CUBN: variants seen among roughly 807,000 people sequenced by gnomAD.
CUBN encodes the protein cubilin, also known as 460 kDa receptor.
Under a neutral mutation model 405.3 loss-of-function variants are expected in CUBN, and 282 were observed. The ratio of observed to expected loss-of-function variants is 0.70; its 90% CI spans 0.63 to 0.77. The LOEUF (loss-of-function observed/expected upper bound fraction) is 0.77, where lower values mean the gene tolerates loss of function less well. CUBN is among the 30% of genes least tolerant of loss of function. The pLI, the probability that CUBN is intolerant of heterozygous loss-of-function variation, is 0.00. For missense variants in CUBN, 4,514 were observed against 4,475.2 expected, an observed-to-expected ratio of 1.01 and a Z score of -0.25; for synonymous variants, 1,684 against 1,617.0, an observed-to-expected ratio of 1.04 and a Z score of -0.99.
At chr10:17,044,970 G>A (rs879288271) in intron 25 of CUBN, 37 bp downstream of exon 25, 8 of 1,589,902 alleles carry the variant, frequency 5.0e-6, no homozygotes, top group Non-Finnish European at 6.9e-6. Context: ...GGGTGAGATG[G>A]GAGCAGGGAA....
chr10:16,912,308 G>A (rs1372958381), intron 48 of CUBN, among the ~76,000 whole-genome samples: 1 of 152,206 alleles, frequency 6.6e-6, no homozygotes, highest in East Asian at 1.9e-4. Flanking sequence ...TTATAAAAGG[G>A]ATAATGATAG....
chr10:16,983,715 A>AGAACACACAGTAAT (rs1221395166), intron 30 of CUBN, among the ~76,000 whole-genome samples: 1 of 152,248 alleles, frequency 6.6e-6, no homozygotes, highest in Non-Finnish European at 1.5e-5. Flanking sequence ...AAGTCACCAT[A>AGAACACACAGTAAT]GAACACACAG....
At chr10:16,919,359 AG>A (rs1211150767) in intron 44 of CUBN, among the ~76,000 whole-genome samples, 1 of 152,232 alleles carries the variant, frequency 6.6e-6, no homozygotes, top group East Asian at 1.9e-4. Context: ...CTTATATCCA[AG>A]TTTTGCACCA....
rs137957966 is a variant in CUBN at position 17,017,510 on chromosome 10, G to A, written c.4168+2323C>T. ...AAAATGAAGCAGAGGGCCATATCCT[G>A]AGGAAGGGAAGGGATCTCCAGAGTT... is the stretch of plus-strand genomic sequence containing the variant. On this transcript the variant is annotated intron_variant, in intron 28 of 66. Coordinates refer to ENST00000377833, the MANE Select transcript of CUBN (RefSeq NM_001081.4). Among the ~76,000 whole-genome samples, 697 of 152,304 alleles carry A rather than the reference G, an allele frequency of 4.6e-3. 2 individuals are homozygous for A. Among genetic ancestry groups the A allele is most frequent in the East Asian group, 0.033 (169 of 5,178 alleles).
chr10:16,925,590 G>A lies in CUBN; in HGVS notation c.6456C>T (p.Tyr2152=), dbSNP rs1229696832. 5 of 1,613,844 alleles carry A rather than the reference G, an allele frequency of 3.1e-6. No individual in the cohort carries two copies. The African/African-American group carries it at 4.0e-5, about 13-fold the overall frequency. ...GGGTAGCAGCAAGACCTACCACCAAGTAATCCCCCTGGTTGCAAGAAGAAT... is the reference window on the plus strand; with the variant it reads ...GGGTAGCAGCAAGACCTACCACCAAATAATCCCCCTGGTTGCAAGAAGAAT... The part of the protein sequence containing the change: ...NGDSSCNQGD[Y]LVLRNGPDIC... Residue 2152 remains tyrosine (Y), a synonymous_variant, in exon 42 of 67, where the codon TAC becomes TAT. Coordinates refer to ENST00000377833, the MANE Select transcript of CUBN (RefSeq NM_001081.4).
At chr10:16,994,813 G>A (rs1017947181) in intron 28 of CUBN, among the ~76,000 whole-genome samples, 1 of 152,212 alleles carries the variant, frequency 6.6e-6, no homozygotes, top group African/African-American at 2.4e-5. Flanking sequence ...ATACCAGCCA[G>A]GCGTGGTAGT....
chr10:17,047,147 T>C (rs966938200), intron 23 of CUBN, among the ~76,000 whole-genome samples: 1 of 152,208 alleles, frequency 6.6e-6, no homozygotes, highest in African/African-American at 2.4e-5. Flanking sequence ...TAGTAGCACA[T>C]CTGTTTCTTT....
chr10:16,873,457 C>T (rs1432360600), intron 58 of CUBN, among the ~76,000 whole-genome samples: 4 of 152,126 alleles, frequency 2.6e-5, no homozygotes, highest in African/African-American at 7.2e-5. Flanking sequence ...TGCGGTGGCT[C>T]ATGCCTGTAA....
chr10:17,009,926 A>G (rs1834134099), intron 28 of CUBN, among the ~76,000 whole-genome samples: 1 of 152,202 alleles, frequency 6.6e-6, no homozygotes, highest in African/African-American at 2.4e-5. Flanking sequence ...AACATCTCAG[A>G]AGGATTCTCC....
intron 28 of CUBN, among the ~76,000 whole-genome samples, chr10:17,002,613 T>C (rs892396863): frequency 2.0e-5 from 3 of 152,290 alleles, no homozygotes; most frequent in Non-Finnish European, 2.9e-5. Context: ...GTCAACTGTG[T>C]GGATGTGTAT....
At chr10:17,018,291 G>A (rs1834394324) in intron 28 of CUBN, among the ~76,000 whole-genome samples, 1 of 152,174 alleles carries the variant, frequency 6.6e-6, no homozygotes, top group African/African-American at 2.4e-5. Flanking sequence ...TCCCATCTGG[G>A]TCACCAAAAT....
In CUBN at chr10:16,828,815, T is replaced by C; in HGVS notation, c.10754A>G (p.Tyr3585Cys). ...GTTTGTTTTACTCACGCCTCCGCAG[T>C]ATGGTCCAGAGGATGGAGAGCTGGC... is the stretch of plus-strand genomic sequence containing the variant. ...PNASSPSSGP[Y>C]CGGDTSIAPF... Residue 3585 changes from tyrosine (Y) to cysteine (C), a missense_variant, in exon 66 of 67, where the codon TAC becomes TGC. Transcript: ENST00000377833. The C allele has an allele frequency of 1.2e-6, 2 of 1,608,686 alleles. No homozygotes were observed. The highest frequency in any genetic ancestry group is 8.5e-7 in the Non-Finnish European group (1 of 1,175,032).
At chr10:17,061,894 C>T (rs764957078) in intron 22 of CUBN, among the ~76,000 whole-genome samples, 20 of 152,112 alleles carry the variant, frequency 1.3e-4, no homozygotes, top group Admixed American at 7.9e-4. Context: ...GATTCTAAGA[C>T]GGGACTCAGT....
Position 16,899,193 on chromosome 10 carries a change from T to C in CUBN, c.8411-10A>G. 1 of 1,611,722 alleles carries C rather than the reference T, an allele frequency of 6.2e-7. No homozygotes were observed. Reference sequence around the variant, plus strand: ...AATATTCCACCACAACCTGAAATATTGCCATGTAAAAAGCCATCAATCAGC... The same window carrying C: ...AATATTCCACCACAACCTGAAATATCGCCATGTAAAAAGCCATCAATCAGC... On this transcript the variant is annotated splice_polypyrimidine_tract_variant and intron_variant, in intron 53 of 66. Transcript: ENST00000377833.
chr10:17,086,591 T>C (rs1836115633), intron 15 of CUBN, among the ~76,000 whole-genome samples: 1 of 152,188 alleles, frequency 6.6e-6, no homozygotes, highest in South Asian at 2.1e-4. Flanking sequence ...GAAATCCTTT[T>C]CTAATTGTTG....
chr10:17,043,825 A>G lies in CUBN; in HGVS notation c.3829+2T>C. The G allele has an allele frequency of 6.2e-7, 1 of 1,612,240 alleles. No individual in the cohort carries two copies. Among genetic ancestry groups the G allele is most frequent in the Non-Finnish European group, 8.5e-7 (1 of 1,178,878 alleles). On this transcript the variant is annotated splice_donor_variant, in intron 26 of 66. Coordinates refer to ENST00000377833, the MANE Select transcript of CUBN (RefSeq NM_001081.4). LOFTEE classifies it high-confidence loss of function. Reference sequence around the variant, plus strand: ...ACTTACTCTGCCGGTATTCACACTTACTCTGCCGGTATTCAGCCTTGAAGC... The same window carrying G: ...ACTTACTCTGCCGGTATTCACACTTGCTCTGCCGGTATTCAGCCTTGAAGC...
intron 22 of CUBN, among the ~76,000 whole-genome samples, chr10:17,056,269 T>G (rs533576233): frequency 2.0e-5 from 3 of 151,998 alleles, no homozygotes; most frequent in Non-Finnish European, 4.4e-5. Flanking sequence ...TATAGAAAAA[T>G]TGATGCAAAA....
chr10:16,893,644 T>G (rs371943992), intron 54 of CUBN, among the ~76,000 whole-genome samples: 9 of 152,184 alleles, frequency 5.9e-5, no homozygotes, highest in Non-Finnish European at 1.3e-4. Context: ...GGAGGCTGCC[T>G]TTTTTCACTT....
intron 34 of CUBN, 121 bp from the exon 35 acceptor site, chr10:16,948,727 A>G: frequency 8.1e-7 from 1 of 1,228,988 alleles, no homozygotes. Context: ...AATTGCCACT[A>G]GGAGAACCAC....
Sources: gnomAD v4.1 joint callset for allele counts (sites outside exome capture counted in the v4.1 genomes callset) on GRCh38, gnomAD v4.1.1 for gene constraint, MANE v1.5 for transcripts, NCBI Gene and HGNC (gene_info 2026-07-23, HGNC 2026-07-21) for gene names.